CNTNAP2: variants seen among roughly 807,000 people sequenced by gnomAD.
CNTNAP2 encodes the protein contactin-associated protein-like 2.
CNTNAP2 carries 98 observed loss-of-function variants against 155.2 expected under a neutral mutation model. The observed-to-expected ratio is 0.63, with a 90% confidence interval of 0.54 to 0.75. The LOEUF is 0.75. Ranked by LOEUF, CNTNAP2 falls within the 30% of genes least tolerant of loss-of-function variation. The probability of loss-of-function intolerance (pLI) is 0.00; values close to 1 mark genes in which losing one functional copy is unlikely to be tolerated. For synonymous variants in CNTNAP2, 651 were observed against 631.2 expected, an observed-to-expected ratio of 1.03 and a Z score of -0.47; for missense variants, 1,727 against 1,688.1, an observed-to-expected ratio of 1.02 and a Z score of -0.40.
intron 21 of CNTNAP2, among the ~76,000 whole-genome samples, chr7:148,375,634 C>T (rs1798969507): frequency 6.6e-6 from 1 of 150,946 alleles, no homozygotes; most frequent in African/African-American, 2.4e-5. Context: ...GCTGGGATTA[C>T]AGGCGTAAGC....
intron 20 of CNTNAP2, among the ~76,000 whole-genome samples, chr7:148,262,318 T>C (rs917943682): frequency 1.3e-5 from 2 of 152,230 alleles, no homozygotes; most frequent in African/African-American, 2.4e-5. Flanking sequence ...TTTTGGGTTG[T>C]ACAAGGTCTG....
At chr7:147,681,447 C>G (rs1446723293) in intron 13 of CNTNAP2, among the ~76,000 whole-genome samples, 1 of 151,798 alleles carries the variant, frequency 6.6e-6, no homozygotes, top group East Asian at 1.9e-4. Context: ...GAAACTTTTT[C>G]CCCCATGCTA....
intron 11 of CNTNAP2, among the ~76,000 whole-genome samples, chr7:147,546,724 G>A (rs568076195): frequency 2.6e-5 from 4 of 152,308 alleles, no homozygotes; most frequent in Non-Finnish European, 5.9e-5. Flanking sequence ...GTTGACTGTG[G>A]TCAGTTGAGT....
intron 15 of CNTNAP2, among the ~76,000 whole-genome samples, chr7:148,031,320 A>G (rs1021649624): frequency 1.3e-5 from 2 of 152,242 alleles, no homozygotes; most frequent in Non-Finnish European, 2.9e-5. Context: ...GTGCTCTAAG[A>G]AAAGAGAAGT....
chr7:148,147,793 A>G (rs971301314), intron 17 of CNTNAP2, 84 bp downstream of exon 17: 13 of 1,370,522 alleles, frequency 9.5e-6, no homozygotes, highest in Non-Finnish European at 1.3e-5. Flanking sequence ...AAATCAGCCT[A>G]TGCAAGGTTT....
intron 4 of CNTNAP2, among the ~76,000 whole-genome samples, chr7:147,093,368 T>C (rs1359449831): frequency 6.6e-6 from 1 of 152,140 alleles, no homozygotes; most frequent in Non-Finnish European, 1.5e-5. Context: ...ATTAAATATT[T>C]ATTATATTCT....
chr7:146,768,755 A>C (rs1239575074), intron 1 of CNTNAP2, among the ~76,000 whole-genome samples: 3 of 152,018 alleles, frequency 2.0e-5, no homozygotes, highest in Admixed American at 6.6e-5. Flanking sequence ...TGTTGTTTTT[A>C]GTTGTTTTCC....
chr7:147,354,614 C>T (rs1796030683), intron 9 of CNTNAP2, among the ~76,000 whole-genome samples: 5 of 151,848 alleles, frequency 3.3e-5, no homozygotes, highest in Admixed American at 2.6e-4. Context: ...GTCTTGGCTA[C>T]ATGGGCTCTT....
intron 1 of CNTNAP2, among the ~76,000 whole-genome samples, chr7:146,485,951 A>G (rs539317225): frequency 1.3e-4 from 19 of 151,548 alleles, no homozygotes; most frequent in Non-Finnish European, 1.3e-4. Context: ...TCATAAAAAT[A>G]TGCCTTTCAA....
intron 3 of CNTNAP2, among the ~76,000 whole-genome samples, chr7:147,028,161 A>G (rs1268091887): frequency 2.0e-5 from 3 of 152,198 alleles, no homozygotes; most frequent in African/African-American, 7.2e-5. Flanking sequence ...GCATTACAAG[A>G]ATACCAACTG....
At chr7:146,577,238 G>A (rs1247354002) in intron 1 of CNTNAP2, among the ~76,000 whole-genome samples, 1 of 152,112 alleles carries the variant, frequency 6.6e-6, no homozygotes, top group South Asian at 2.1e-4. Context: ...CAGGGGTAAA[G>A]AGGTAGGTAT....
intron 13 of CNTNAP2, among the ~76,000 whole-genome samples, chr7:147,871,661 C>CT (rs5888290): frequency 0.25 from 35,019 of 142,336 alleles, 4,198 homozygotes; most frequent in East Asian, 0.31. Context: ...ATTCCTTTCT[C>CT]TTTTTTTTTT....
Position 147,666,816 on chromosome 7 carries a change from G to T in CNTNAP2, c.2098+27510G>T, listed in dbSNP as rs576025829. 1.2e-4 allele frequency among the ~76,000 whole-genome samples: 19 copies of T among 152,318 alleles called. No homozygotes were observed. In the South Asian group the frequency reaches 3.9e-3, roughly 32 times the overall value. On this transcript the variant is annotated intron_variant, in intron 13 of 23. Coordinates refer to ENST00000361727, the MANE Select transcript of CNTNAP2 (RefSeq NM_014141.6). ...TAAGAGGTACAAAGATGGAAAATCA[G>T]TAATGGTTATTGCTCACCAGTCAGG... is the stretch of plus-strand genomic sequence containing the variant.
intron 5 of CNTNAP2, among the ~76,000 whole-genome samples, chr7:147,116,767 T>C (rs1259123246): frequency 6.6e-6 from 1 of 151,426 alleles, no homozygotes; most frequent in Non-Finnish European, 1.5e-5. Context: ...GCAGGTGTGG[T>C]TGGAGGGCCC....
intron 1 of CNTNAP2, among the ~76,000 whole-genome samples, chr7:146,436,043 C>T (rs927929924): frequency 3.3e-5 from 5 of 152,154 alleles, no homozygotes; most frequent in South Asian, 4.1e-4. Flanking sequence ...CCTATAATGC[C>T]GATGAGTTAT....
intron 1 of CNTNAP2, among the ~76,000 whole-genome samples, chr7:146,736,730 C>T (rs1801627072): frequency 3.3e-5 from 5 of 151,918 alleles, no homozygotes; most frequent in Admixed American, 3.3e-4. Context: ...AGTTTATGGA[C>T]AGAAAAATAA....
intron 14 of CNTNAP2, among the ~76,000 whole-genome samples, chr7:147,968,679 C>T (rs1245157375): frequency 6.6e-6 from 1 of 152,086 alleles, no homozygotes; most frequent in Non-Finnish European, 1.5e-5. Flanking sequence ...CAAACTCAGC[C>T]CATGGGTTTC....
At chr7:147,370,455 TG>T (rs1427251597) in intron 9 of CNTNAP2, among the ~76,000 whole-genome samples, 1 of 152,180 alleles carries the variant, frequency 6.6e-6, no homozygotes, top group Non-Finnish European at 1.5e-5. Flanking sequence ...AGAAAACTGA[TG>T]GTTAAATTTT....
chr7:147,200,136 C>A (rs917335784), intron 8 of CNTNAP2, among the ~76,000 whole-genome samples: 2 of 151,720 alleles, frequency 1.3e-5, no homozygotes, highest in East Asian at 1.9e-4. Context: ...TTCTCTTTAC[C>A]CACTGCTGCT....
Sources: gnomAD v4.1 joint callset for allele counts (sites outside exome capture counted in the v4.1 genomes callset) on GRCh38, gnomAD v4.1.1 for gene constraint, MANE v1.5 for transcripts, NCBI Gene and HGNC (gene_info 2026-07-23, HGNC 2026-07-21) for gene names.